The following SPON2 variants were observed in gnomAD, a reference collection of about 807,000 sequenced individuals.
SPON2 encodes spondin-2.
In SPON2, 32 loss-of-function variants were observed where a neutral mutation model predicts 29.9. That is an observed-to-expected ratio of 1.07 (90% CI 0.81 to 1.44). The LOEUF (loss-of-function observed/expected upper bound fraction) is 1.44. SPON2 is among the 40% of genes most tolerant of loss of function. The pLI is 0.00. For missense variants in SPON2, 541 were observed against 455.5 expected (o/e 1.19, Z -1.71); for synonymous variants, 248 against 209.1 (o/e 1.19, Z -1.61).
chr4:1,178,028 G>A (rs753907537), upstream of SPON2, among the ~76,000 whole-genome samples: 4 of 150,698 alleles, frequency 2.7e-5, no homozygotes, highest in Non-Finnish European at 4.4e-5. Flanking sequence ...CAAGGGCCTC[G>A]CTCCGGCCAG....
chr4:1,184,299 C>T (rs1464030783), intron 1 of SPON2, among the ~76,000 whole-genome samples: 2 of 152,146 alleles, frequency 1.3e-5, no homozygotes, highest in Admixed American at 6.5e-5. Flanking sequence ...ATGAATTAAA[C>T]TCTCTACTCA....
intron 1 of SPON2, among the ~76,000 whole-genome samples, chr4:1,204,563 T>G (rs1416443526): frequency 2.0e-5 from 3 of 152,230 alleles, no homozygotes; most frequent in Non-Finnish European, 4.4e-5. Context: ...AGGTGCAGCC[T>G]CCGGTGTGTG....
At chr4:1,171,231 C>A in intron 3 of SPON2, 32 bp downstream of exon 3, 1 of 1,433,040 alleles carries the variant, frequency 7.0e-7, no homozygotes. Flanking sequence ...CCCGGCCCCC[C>A]GGACCCCGCC....
chr4:1,184,155 G>T (rs778345477), intron 1 of SPON2, among the ~76,000 whole-genome samples: 1 of 152,032 alleles, frequency 6.6e-6, no homozygotes, highest in African/African-American at 2.4e-5. Context: ...TTTTCGTAGA[G>T]ACCAGGTTTC....
rs1375311208 is a variant in SPON2, at chr4:1,172,041, C to T, written c.31G>A (p.Gly11Ser). 6.2e-7 allele frequency: 1 copy of T among 1,612,218 alleles called. No individual in the cohort carries two copies. The highest frequency in any genetic ancestry group is 2.2e-5 in the East Asian group (1 of 44,864). The change falls in exon 2 of 6, where the codon GGC becomes AGC. Residue 11 changes from glycine to serine, a missense_variant. Coordinates refer to ENST00000290902, the MANE Select transcript of SPON2 (RefSeq NM_012445.4). MENPSPAAAL[G>S]KALCALLLAT... ...AGGAGGAGAGCGCAGAGGGCCTTGC[C>T]CAGGGCGGCGGCCGGGCTGGGGTTT... is the stretch of plus-strand genomic sequence containing the variant.
intron 1 of SPON2, among the ~76,000 whole-genome samples, chr4:1,186,034 G>GCA (rs1560207566): frequency 6.7e-6 from 1 of 150,290 alleles, no homozygotes; most frequent in Non-Finnish European, 1.5e-5. Flanking sequence ...CACGAGGTCA[G>GCA]GAGATCGAGA....
chr4:1,207,688 C>T (rs1560216912), intron 1 of SPON2, among the ~76,000 whole-genome samples: 1 of 151,984 alleles, frequency 6.6e-6, no homozygotes, highest in African/African-American at 2.4e-5. Context: ...CCAGAGGGTC[C>T]GGCTGCCTAA....
Position 1,171,488 on chromosome 4 carries a change from T to C in SPON2, c.221-2A>G, listed in dbSNP as rs1228311432. 10 of 1,607,218 alleles carry C rather than the reference T, an allele frequency of 6.2e-6. No individual in the cohort carries two copies. The highest frequency in any genetic ancestry group is 1.7e-5 in the Admixed American group (1 of 59,846). ...TGTAGTCGGAGCTATGCGCGGCCCC[T>C]GCAGGACCACCCGGCCGCGCCGCGG... On this transcript the variant is annotated splice_acceptor_variant, in intron 2 of 5. Coordinates refer to ENST00000290902, the MANE Select transcript of SPON2 (RefSeq NM_012445.4). LOFTEE classifies it high-confidence loss of function.
chr4:1,182,015 A>G (rs916489425), intron 1 of SPON2, among the ~76,000 whole-genome samples: 1 of 152,220 alleles, frequency 6.6e-6, no homozygotes, highest in African/African-American at 2.4e-5. Context: ...AGGCTCAGAA[A>G]AGACCTGAGA....
chr4:1,198,679 C>T (rs866838905), upstream of SPON2, among the ~76,000 whole-genome samples: 4 of 151,976 alleles, frequency 2.6e-5, no homozygotes, highest in African/African-American at 2.4e-5. Flanking sequence ...TCGGCAGCAT[C>T]GTGTTATGGC....
intron 2 of SPON2, among the ~76,000 whole-genome samples, chr4:1,179,039 T>C (rs1309231324): frequency 6.6e-6 from 1 of 152,186 alleles, no homozygotes; most frequent in East Asian, 1.9e-4. Context: ...TGGATTCAGC[T>C]TTGCAGCCTC....
chr4:1,167,471 C>T lies in SPON2; in HGVS notation c.*1G>A. 6.2e-7 allele frequency: 1 copy of T among 1,612,388 alleles called. No individual in the cohort carries two copies. Among genetic ancestry groups the T allele is most frequent in the South Asian group, 1.1e-5 (1 of 90,868 alleles). ...GCCCCAGGGGCTGCGGGGCTCTGGT[C>T]TTAGACGCAGTTATCAGGGACGCAC... On this transcript the variant is annotated 3_prime_UTR_variant, in exon 6 of 6. Transcript: ENST00000290902.
In SPON2 at chr4:1,171,877, G is replaced by C. The variant is rs773191454; in HGVS notation, c.195C>G (p.Pro65=). The change falls in exon 2 of 6, where the codon CCC becomes CCG. Residue 65 remains proline (P), a synonymous_variant. Coordinates refer to ENST00000290902, the MANE Select transcript of SPON2 (RefSeq NM_012445.4). ...AFPKQYPLFR[P]PAQWSSLLGA... is the part of the protein sequence containing the mutation. ...CCAGCAGCGAAGACCACTGCGCAGG[G>C]GGGCGGAACAGGGGGTACTGCTTGG... The C allele has an allele frequency of 7.4e-6, 12 of 1,612,854 alleles. No homozygotes were observed. Among genetic ancestry groups the C allele is most frequent in the Non-Finnish European group, 7.6e-6 (9 of 1,179,840 alleles).
chr4:1,198,680 G>A (rs574848277), upstream of SPON2, among the ~76,000 whole-genome samples: 13 of 152,100 alleles, frequency 8.5e-5, no homozygotes, highest in South Asian at 1.7e-3. Context: ...CGGCAGCATC[G>A]TGTTATGGCC....
At chr4:1,186,777 C>G (rs554048052) in intron 1 of SPON2, among the ~76,000 whole-genome samples, 1 of 152,210 alleles carries the variant, frequency 6.6e-6, no homozygotes, top group South Asian at 2.1e-4. Context: ...TGAAGAGATT[C>G]CCAACATCAT....
chr4:1,186,168 T>C lies in SPON2; in HGVS notation c.-238-6627A>G, dbSNP rs898320601. Among the ~76,000 whole-genome samples the C allele has an allele frequency of 4.9e-4, 69 of 142,144 alleles. 2 individuals are homozygous for C. In the Middle Eastern group the frequency reaches 0.028, roughly 57 times the overall value. 93.3% of individuals were successfully genotyped at this position (142,144 alleles called of 152,430 possible). A position where few individuals can be genotyped will look rare whatever the true frequency, so the allele number is the denominator to read the frequency against. On this transcript the variant is annotated intron_variant, in intron 1 of 3. Transcript: ENST00000502483. ...CTGAGGCAGGAGAATGGTGTGAACC[T>C]GGGAGGCGGAGCTTGCAGTGAGCTG...
At position 1,167,419 on chromosome 4, in the gene SPON2, G is replaced by C; in HGVS notation, c.*53C>G. On this transcript the variant is annotated 3_prime_UTR_variant, in exon 6 of 6. Transcript: ENST00000290902. ...GCCTGCAGCATGAGCCTGCACAGGA[G>C]CCCCCGACACCCCATGGCTCCGGGG... 1 of 1,554,344 alleles carries C rather than the reference G, an allele frequency of 6.4e-7. No homozygotes were observed. The highest frequency in any genetic ancestry group is 1.8e-5 in the Admixed American group (1 of 55,104).
upstream of SPON2, among the ~76,000 whole-genome samples, chr4:1,198,208 G>A (rs1049981845): frequency 3.9e-5 from 6 of 152,190 alleles, no homozygotes; most frequent in African/African-American, 9.6e-5. Context: ...CAGCTGCTTC[G>A]AAACCTGCAG....
upstream of SPON2, among the ~76,000 whole-genome samples, chr4:1,175,144 C>T (rs908150519): frequency 2.9e-4 from 44 of 152,254 alleles, no homozygotes; most frequent in African/African-American, 9.4e-4. Context: ...GGACAATCCT[C>T]GCTTTCTGGA....
Sources: allele counts gnomAD v4.1 joint callset (sites outside exome capture counted in the v4.1 genomes callset), GRCh38; gene constraint gnomAD v4.1.1; transcripts MANE v1.5; gene names NCBI Gene and HGNC (gene_info 2026-07-23, HGNC 2026-07-21).